The following ABI3BP variants were observed in gnomAD, a reference collection of about 807,000 sequenced individuals.
ABI3BP encodes target of Nesh-SH3.
Under a neutral mutation model 268.6 loss-of-function variants are expected in ABI3BP, and 216 were observed. That is an observed-to-expected ratio of 0.80 (90% CI 0.72 to 0.90). The LOEUF (loss-of-function observed/expected upper bound fraction) is 0.90, where lower values mean the gene tolerates loss of function less well. ABI3BP is among the 40% of genes least tolerant of loss of function. The pLI, the probability that ABI3BP is intolerant of heterozygous loss-of-function variation, is 0.00. For missense variants in ABI3BP, 2,090 were observed against 2,182.4 expected (o/e 0.96, Z 0.84); for synonymous variants, 730 against 730.0 (o/e 1.00, Z 0.00).
chr3:100,962,055 T>A (rs34423397), intron 1 of ABI3BP, among the ~76,000 whole-genome samples: 9,208 of 152,264 alleles, frequency 0.06, 380 homozygotes, highest in Non-Finnish European at 0.09. Flanking sequence ...GTAGATGGTA[T>A]AAGTATAAAT....
chr3:100,864,808 A>G (rs200637946), intron 11 of ABI3BP, 25 bp downstream of exon 11: 11 of 522,774 alleles, frequency 2.1e-5, no homozygotes, highest in Middle Eastern at 6.1e-4. Context: ...GTTTTTTTAG[A>G]AAAAAAAAAA....
chr3:100,945,704 A>G (rs1193108994), intron 1 of ABI3BP: 3 of 429,404 alleles, frequency 7.0e-6, no homozygotes, highest in South Asian at 3.5e-5. Flanking sequence ...AATATATTAC[A>G]TTTTATTTAT....
At chr3:100,956,168 G>T (rs1396505510) in intron 1 of ABI3BP, among the ~76,000 whole-genome samples, 3 of 149,312 alleles carry the variant, frequency 2.0e-5, no homozygotes, top group African/African-American at 7.4e-5. Context: ...TAGCCTGGGC[G>T]ACAGAGCAAG....
At chr3:100,771,027 A>C in intron 61 of ABI3BP, 75 bp from the exon 62 acceptor site, 1 of 1,255,444 alleles carries the variant, frequency 8.0e-7, no homozygotes, top group Non-Finnish European at 1.1e-6. Context: ...TCATAAATAT[A>C]ATTTGAGGAC....
At chr3:100,894,303 C>A (rs149886286) in intron 4 of ABI3BP, among the ~76,000 whole-genome samples, 2 of 152,234 alleles carry the variant, frequency 1.3e-5, no homozygotes, top group African/African-American at 4.8e-5. Flanking sequence ...GAGAAAAAGT[C>A]TGAGTTTAAT....
chr3:100,923,552 C>T (rs965265893), intron 2 of ABI3BP, among the ~76,000 whole-genome samples: 2 of 152,058 alleles, frequency 1.3e-5, no homozygotes, highest in East Asian at 1.9e-4. Flanking sequence ...TTCTTATTGG[C>T]CCTAAAACCC....
Position 100,970,190 on chromosome 3 carries a change from A to G in ABI3BP, c.79+23116T>C, listed in dbSNP as rs560349512. Among the ~76,000 whole-genome samples the G allele has an allele frequency of 1.1e-4, 17 of 152,364 alleles. 1 individual carries two copies. The East Asian group carries it at 3.3e-3, about 29-fold the overall frequency. ...CGCATTCTCCTAAAGATCTTGAACT[A>G]TAATGAGCAATTAATAAGTATTTGT... On this transcript the variant is annotated intron_variant, in intron 1 of 67. Transcript: ENST00000471714.
chr3:100,886,396 C>A, intron 4 of ABI3BP, 73 bp from the exon 5 acceptor site: 1 of 1,175,450 alleles, frequency 8.5e-7, no homozygotes, highest in South Asian at 2.4e-5. Context: ...TTTCTTACTT[C>A]ATCACAGATT....
At chr3:100,771,971 A>G (rs2096558576) in intron 61 of ABI3BP, among the ~76,000 whole-genome samples, 1 of 152,218 alleles carries the variant, frequency 6.6e-6, no homozygotes, top group Admixed American at 6.5e-5. Context: ...AAGTTTCTCA[A>G]AACAAGTGAT....
At position 100,808,042 on chromosome 3, in the gene ABI3BP, A is replaced by G. The variant is rs1578431879; in HGVS notation, c.3682+119T>C. The G allele has an allele frequency of 3.5e-6, 3 of 861,736 alleles. No individual in the cohort carries two copies. In the African/African-American group the frequency reaches 5.1e-5, roughly 15 times the overall value. The allele number at this position is 861,736 out of a possible 1,614,324, so 53.4% of individuals were successfully genotyped here. ...TAAATATTTATTAGGTTACAGAGGA[A>G]GACTTGTTTTACAAGTGTTAAAGAC... On this transcript the variant is annotated intron_variant, in intron 50 of 67. Transcript: ENST00000471714.
intron 1 of ABI3BP, among the ~76,000 whole-genome samples, chr3:100,966,534 A>C (rs1227244438): frequency 2.0e-5 from 3 of 152,240 alleles, no homozygotes; most frequent in African/African-American, 7.2e-5. Context: ...TTGAAAGTAA[A>C]ATAGTGAAAC....
At chr3:100,928,997 A>G (rs1484611646) in intron 1 of ABI3BP, among the ~76,000 whole-genome samples, 3 of 152,084 alleles carry the variant, frequency 2.0e-5, no homozygotes, top group Non-Finnish European at 2.9e-5. Flanking sequence ...CTTTTTAATA[A>G]TGTGCCTAGA....
chr3:100,954,975 C>CTTT (rs71299382), intron 1 of ABI3BP, among the ~76,000 whole-genome samples: 8 of 94,764 alleles, frequency 8.4e-5, no homozygotes, highest in Non-Finnish European at 1.2e-4. Context: ...TAAATTTTGT[C>CTTT]TTTTTTTTTT....
intron 29 of ABI3BP, 51 bp downstream of exon 29, chr3:100,834,633 A>C (rs995968102): frequency 1.3e-6 from 2 of 1,504,692 alleles, no homozygotes; most frequent in African/African-American, 1.4e-5. Flanking sequence ...TGCCACCCCC[A>C]TGCCACATCC....
intron 1 of ABI3BP, among the ~76,000 whole-genome samples, chr3:100,935,563 T>C (rs1020914366): frequency 6.6e-6 from 1 of 152,128 alleles, no homozygotes; most frequent in Admixed American, 6.6e-5. Flanking sequence ...ATAAATTACT[T>C]TGGGCAGTAT....
chr3:100,993,207 T>C, intron 1 of ABI3BP, 99 bp downstream of exon 1: 5 of 846,926 alleles, frequency 5.9e-6, no homozygotes, highest in Non-Finnish European at 7.3e-6. Context: ...AATAACTCTA[T>C]TCCCCCCGTA....
At chr3:100,969,132 A>G (rs1251575812) in intron 1 of ABI3BP, among the ~76,000 whole-genome samples, 2 of 152,240 alleles carry the variant, frequency 1.3e-5, no homozygotes, top group Non-Finnish European at 2.9e-5. Flanking sequence ...ACCATGAAGC[A>G]AGAAAGTCAC....
chr3:100,935,114 T>A (rs571852543), intron 1 of ABI3BP, among the ~76,000 whole-genome samples: 6 of 152,344 alleles, frequency 3.9e-5, no homozygotes, highest in Admixed American at 3.3e-4. Context: ...ATTTTAGATC[T>A]TATGTTTAAG....
intron 21 of ABI3BP, 92 bp downstream of exon 21, chr3:100,841,901 GAAAAA>G: frequency 2.4e-6 from 2 of 818,322 alleles, no homozygotes; most frequent in Non-Finnish European, 3.5e-6. Flanking sequence ...ATCTGGAGAA[GAAAAA>G]AAAAAAAAAA....
Sources: allele counts gnomAD v4.1 joint callset (sites outside exome capture counted in the v4.1 genomes callset), GRCh38; gene constraint gnomAD v4.1.1; transcripts MANE v1.5; gene names NCBI Gene and HGNC (gene_info 2026-07-23, HGNC 2026-07-21).